The following KLK7 variants were observed in gnomAD, a reference collection of about 807,000 sequenced individuals.
KLK7 encodes the protein kallikrein related peptidase 7, also known as kallikrein-7.
KLK7 carries 17 observed loss-of-function variants against 21.0 expected under a neutral mutation model. That is an observed-to-expected ratio of 0.81 (90% CI 0.55 to 1.21). KLK7 has a LOEUF of 1.21. KLK7 is among the 50% of genes most tolerant of loss of function. KLK7 has a pLI of 0.00. For missense variants in KLK7, 330 were observed against 322.8 expected (o/e 1.02, Z -0.17); for synonymous variants, 151 against 134.6 (o/e 1.12, Z -0.85).
intron 3 of KLK7, 92 bp downstream of exon 3, chr19:50,981,675 T>A: frequency 8.1e-7 from 1 of 1,228,242 alleles, no homozygotes; most frequent in South Asian, 1.5e-5. Flanking sequence ...GAGAGGAGAA[T>A]AGAGCCGTAG....
intron 2 of KLK7, 37 bp downstream of exon 2, chr19:50,982,290 C>T: frequency 6.3e-7 from 1 of 1,595,796 alleles, no homozygotes; most frequent in Non-Finnish European, 8.5e-7. Context: ...CAGTGGGGGC[C>T]CTGAGGTGAG....
upstream of KLK7, chr19:50,983,995 C>G: frequency 8.5e-7 from 1 of 1,177,350 alleles, no homozygotes; most frequent in South Asian, 1.3e-5. Flanking sequence ...CAGGCGGAGC[C>G]GACTCTGGGA....
intron 1 of KLK7, chr19:50,983,646 G>A (rs2091109106): frequency 1.6e-6 from 1 of 607,736 alleles, no homozygotes; most frequent in Non-Finnish European, 2.4e-6. Flanking sequence ...TCTAGGCTCC[G>A]ATCTTGCCCT....
chr19:50,977,438 A>G lies in KLK7; in HGVS notation c.*98T>C. 1.7e-6 allele frequency: 2 copies of G among 1,193,822 alleles called. No homozygotes were observed. Among genetic ancestry groups the G allele is most frequent in the Non-Finnish European group, 1.2e-6 (1 of 819,724 alleles). The allele number at this position is 1,193,822 out of a possible 1,614,324, so 74.0% of individuals were successfully genotyped here. A position where few individuals can be genotyped will look rare whatever the true frequency, so the allele number is the denominator to read the frequency against. Reference sequence around the variant, plus strand: ...TGAGGTTGGTTTAAATATATCTTTGAGGAAAGGTAAAGTCAAATTTGACTT... The same window carrying G: ...TGAGGTTGGTTTAAATATATCTTTGGGGAAAGGTAAAGTCAAATTTGACTT... On this transcript the variant is annotated 3_prime_UTR_variant, in exon 6 of 6. Transcript: ENST00000595820.
chr19:50,978,273 C>T (rs1041440588), intron 5 of KLK7, among the ~76,000 whole-genome samples: 1 of 152,146 alleles, frequency 6.6e-6, no homozygotes, highest in Non-Finnish European at 1.5e-5. Flanking sequence ...GGGGAACACC[C>T]TATTCTCTAG....
intron 1 of KLK7, among the ~76,000 whole-genome samples, chr19:50,983,087 C>A: frequency 9.1e-6 from 1 of 110,022 alleles, no homozygotes; most frequent in Non-Finnish European, 1.9e-5. Flanking sequence ...CTCCCTCAGA[C>A]CCAGGAGTCC....
intron 1 of KLK7, 57 bp from the exon 2 acceptor site, chr19:50,982,514 G>A: frequency 6.9e-7 from 1 of 1,448,652 alleles, no homozygotes; most frequent in South Asian, 1.3e-5. Flanking sequence ...CAGGGGTCCA[G>A]GCCCCAGCCC....
In KLK7 at chr19:50,980,486, C is replaced by A; in HGVS notation, c.223G>T (p.Glu75Ter). Reference protein sequence around the residue: ...VLTAAHCKMNEYTVHLGSDTL... With the variant: ...VLTAAHCKMN ...TCACTGCCCAGGTGCACGGTGTACT[C>A]ACTGCGAGGAGTGACATTCACAGAT... The change falls in exon 4 of 6, where the codon GAG (glutamate) becomes TAG (stop). Residue 75 changes from glutamate to a stop codon, truncating the protein, a stop_gained and splice_region_variant. Coordinates refer to ENST00000595820, the MANE Select transcript of KLK7 (RefSeq NM_005046.4). LOFTEE classifies it high-confidence loss of function. The A allele has an allele frequency of 6.2e-7, 1 of 1,613,790 alleles. No individual in the cohort carries two copies. Among genetic ancestry groups the A allele is most frequent in the South Asian group, 1.1e-5 (1 of 91,048 alleles).
chr19:50,979,771 G>C lies in KLK7; in HGVS notation c.606+17C>G, dbSNP rs565964141. ...GGGTACCCAGGACTGGGGAGGAATT[G>C]GGGGGGAGGGTCTCACATTGCAGGC... On this transcript the variant is annotated intron_variant, in intron 5 of 5. Coordinates refer to ENST00000595820, the MANE Select transcript of KLK7 (RefSeq NM_005046.4). 11 of 1,559,766 alleles carry C rather than the reference G, an allele frequency of 7.1e-6. No homozygotes were observed. Among genetic ancestry groups the C allele is most frequent in the Admixed American group, 3.8e-5 (2 of 52,358 alleles).
Position 50,980,435 on chromosome 19 carries a change from T to C in KLK7, c.274A>G (p.Arg92Gly). 1 of 1,614,036 alleles carries C rather than the reference T, an allele frequency of 6.2e-7. No individual in the cohort carries two copies. Among genetic ancestry groups the C allele is most frequent in the Non-Finnish European group, 8.5e-7 (1 of 1,179,964 alleles). Residue 92 changes from arginine to glycine, a missense_variant, in exon 4 of 6, where the codon AGG becomes GGG. Coordinates refer to ENST00000595820, the MANE Select transcript of KLK7 (RefSeq NM_005046.4). ...CGGAATGACTTCGAGGCCTTGATCC[T>C]CTGAGCTCTCCTGTCGCCCAGCGTA... ...SDTLGDRRAQRIKASKSFRHP... is the reference protein window; with the variant it reads ...SDTLGDRRAQGIKASKSFRHP...
Position 50,982,405 on chromosome 19 carries a change from C to T in KLK7, c.-6G>A, listed in dbSNP as rs200631059. 6 of 1,605,254 alleles carry T rather than the reference C, an allele frequency of 3.7e-6. No individual in the cohort carries two copies. Among genetic ancestry groups the T allele is most frequent in the Non-Finnish European group, 5.1e-6 (6 of 1,176,232 alleles). On this transcript the variant is annotated 5_prime_UTR_variant, in exon 2 of 6. Coordinates refer to ENST00000595820, the MANE Select transcript of KLK7 (RefSeq NM_005046.4). ...AGGAGAAGGGATCTTGCCATGGTGCCCTGCTGAGCCGCTCAGGGGCTGCCA... is the reference window on the plus strand; with the variant it reads ...AGGAGAAGGGATCTTGCCATGGTGCTCTGCTGAGCCGCTCAGGGGCTGCCA...
In KLK7 at chr19:50,977,366, T is replaced by C. The variant is rs1478645912; in HGVS notation, c.*170A>G. ...TGAGGGTTTTGTGTTTCTTTATTTG[T>C]TTTGGTTTTAGGTCTTTACCAATTT... On this transcript the variant is annotated 3_prime_UTR_variant, in exon 6 of 6. Coordinates refer to ENST00000595820, the MANE Select transcript of KLK7 (RefSeq NM_005046.4). 1.6e-6 allele frequency: 1 copy of C among 643,006 alleles called. No individual in the cohort carries two copies. Among genetic ancestry groups the C allele is most frequent in the African/African-American group, 1.8e-5 (1 of 54,680 alleles). The allele number at this position is 643,006 out of a possible 1,614,324, so 39.8% of individuals were successfully genotyped here.
In KLK7 at chr19:50,977,465, A is replaced by C. The variant is rs1399063162; in HGVS notation, c.*71T>G. 2 of 1,465,456 alleles carry C rather than the reference A, an allele frequency of 1.4e-6. No individual in the cohort carries two copies. Among genetic ancestry groups the C allele is most frequent in the Non-Finnish European group, 1.9e-6 (2 of 1,050,910 alleles). 90.8% of individuals were successfully genotyped at this position (1,465,456 alleles called of 1,614,324 possible). On this transcript the variant is annotated 3_prime_UTR_variant, in exon 6 of 6. Transcript: ENST00000595820. ...GAAAGGTAAAGTCAAATTTGACTTC[A>C]TAGGTCATCGGCGTCCTCACTCCTG...
chr19:50,979,711 C>T, intron 5 of KLK7, 77 bp downstream of exon 5: 1 of 1,459,874 alleles, frequency 6.8e-7, no homozygotes, highest in Non-Finnish European at 9.3e-7. Flanking sequence ...TACCCAGTCA[C>T]TCGGGTCAAG....
In KLK7 at chr19:50,980,422, G is replaced by C. The variant is rs149466250; in HGVS notation, c.287C>G (p.Ser96Trp). Residue 96 changes from serine (S) to tryptophan (W), a missense_variant, in exon 4 of 6, where the codon TCG becomes TGG. Physicochemically the swap from Ser to Trp is radical, Grantham distance 177. Coordinates refer to ENST00000595820, the MANE Select transcript of KLK7 (RefSeq NM_005046.4). The stretch of plus-strand genomic sequence containing the variant: ...GTAGCCGGGGTGGCGGAATGACTTC[G>C]AGGCCTTGATCCTCTGAGCTCTCCT... ...GDRRAQRIKA[S>W]KSFRHPGYST... is the part of the protein sequence containing the mutation. The C allele has an allele frequency of 4.3e-6, 7 of 1,613,992 alleles. No individual in the cohort carries two copies. The highest frequency in any genetic ancestry group is 3.3e-5 in the South Asian group (3 of 91,070).
intron 1 of KLK7, among the ~76,000 whole-genome samples, chr19:50,982,889 C>A (rs2091101638): frequency 9.4e-6 from 1 of 106,410 alleles, no homozygotes. Flanking sequence ...CAGGCCCCAA[C>A]CCCTCCTCCC....
chr19:50,977,753 A>T, intron 5 of KLK7, 62 bp from the exon 6 acceptor site: 1 of 1,530,128 alleles, frequency 6.5e-7, no homozygotes, highest in South Asian at 1.1e-5. Flanking sequence ...TCATTCTCAT[A>T]CATTCCTCAG....
Position 50,982,443 on chromosome 19 carries a change from C to T in KLK7, c.-44G>A. The T allele has an allele frequency of 6.3e-7, 1 of 1,575,392 alleles. No homozygotes were observed. The highest frequency in any genetic ancestry group is 8.6e-7 in the Non-Finnish European group (1 of 1,160,886). Reference sequence around the variant, plus strand: ...TCAGGGGCTGCCAGGCGAGGAAGGGCCTCTCCTGCTGGAGCTGAGAAGGAG... The same window carrying T: ...TCAGGGGCTGCCAGGCGAGGAAGGGTCTCTCCTGCTGGAGCTGAGAAGGAG... On this transcript the variant is annotated 5_prime_UTR_variant, in exon 2 of 6. Coordinates refer to ENST00000595820, the MANE Select transcript of KLK7 (RefSeq NM_005046.4).
chr19:50,981,695 G>T, intron 3 of KLK7, 72 bp downstream of exon 3: 1 of 1,397,954 alleles, frequency 7.2e-7, no homozygotes, highest in South Asian at 1.4e-5. Context: ...GGCACAGAAA[G>T]ACTGCCCTTC....
Sources: allele counts gnomAD v4.1 joint callset (sites outside exome capture counted in the v4.1 genomes callset), GRCh38; gene constraint gnomAD v4.1.1; transcripts MANE v1.5; gene names NCBI Gene and HGNC (gene_info 2026-07-23, HGNC 2026-07-21).